The following CRYL1 variants were observed in gnomAD, a reference collection of about 807,000 sequenced individuals.
CRYL1 encodes crystallin lambda 1, also known as lambda-crystallin homolog.
Under a neutral mutation model 36.6 loss-of-function variants are expected in CRYL1, and 29 were observed. The ratio of observed to expected loss-of-function variants is 0.79; its 90% CI spans 0.59 to 1.08. The LOEUF is 1.08. CRYL1 is among the 50% of genes least tolerant of loss of function. The pLI, the probability that CRYL1 is intolerant of heterozygous loss-of-function variation, is 0.00. For synonymous variants in CRYL1, 152 were observed against 151.5 expected (o/e 1.00, Z -0.02); for missense variants, 411 against 407.9 (o/e 1.01, Z -0.06).
chr13:20,468,280 T>G (rs9506491), intron 3 of CRYL1, among the ~76,000 whole-genome samples: 124,898 of 151,802 alleles, frequency 0.82, 51,519 homozygotes, highest in Admixed American at 0.87. Context: ...CTATCTCTTC[T>G]AAACTTACTT....
intron 2 of CRYL1, among the ~76,000 whole-genome samples, chr13:20,510,529 A>T (rs1356860215): frequency 6.6e-6 from 1 of 151,830 alleles, no homozygotes; most frequent in Non-Finnish European, 1.5e-5. Flanking sequence ...GAGCAGTGGG[A>T]TTATTCTGTG....
chr13:20,516,466 A>G (rs61955513), intron 1 of CRYL1, among the ~76,000 whole-genome samples: 24,441 of 151,530 alleles, frequency 0.16, 2,144 homozygotes, highest in African/African-American at 0.22. Flanking sequence ...TCTCCTGGGG[A>G]CTGAATATCA....
At chr13:20,512,593 CGAATGGCTTTTCATTCCTAACCCA>C (rs1565990026) in intron 1 of CRYL1, 43 bp from the exon 2 acceptor site, 2 of 1,443,482 alleles carry the variant, frequency 1.4e-6, no homozygotes, top group Non-Finnish European at 9.6e-7. Context: ...ATTTAATAAT[CGAATGGCTTTTCATTCCTAACCCA>C]GAATGAGTTT....
At chr13:20,442,817 A>C (rs2032376882) in intron 3 of CRYL1, among the ~76,000 whole-genome samples, 1 of 152,230 alleles carries the variant, frequency 6.6e-6, no homozygotes, top group Non-Finnish European at 1.5e-5. Context: ...AGGGAGACAC[A>C]ACTCATGACA....
At chr13:20,480,136 C>A (rs2033246661) in intron 3 of CRYL1, among the ~76,000 whole-genome samples, 1 of 152,132 alleles carries the variant, frequency 6.6e-6, no homozygotes, top group African/African-American at 2.4e-5. Flanking sequence ...TCTATAATCC[C>A]AGCACTTTGG....
At chr13:20,404,993 G>C (rs2031328577) in intron 6 of CRYL1, among the ~76,000 whole-genome samples, 1 of 152,118 alleles carries the variant, frequency 6.6e-6, no homozygotes, top group African/African-American at 2.4e-5. Flanking sequence ...GTCCTGGCTG[G>C]GCCCGGTAGC....
At chr13:20,420,167 G>A (rs2031767745) in intron 5 of CRYL1, among the ~76,000 whole-genome samples, 1 of 152,226 alleles carries the variant, frequency 6.6e-6, no homozygotes, top group African/African-American at 2.4e-5. Context: ...TTGAACTGAT[G>A]CAAGAGGACA....
At chr13:20,459,930 G>A (rs959333812) in intron 3 of CRYL1, among the ~76,000 whole-genome samples, 2 of 152,308 alleles carry the variant, frequency 1.3e-5, no homozygotes, top group Admixed American at 1.3e-4. Context: ...TAGAAAGTGA[G>A]GGTCTGTCTG....
At chr13:20,477,117 T>C (rs4769113) in intron 3 of CRYL1, 100,133 of 152,196 alleles carry the variant, frequency 0.66, 33,692 homozygotes, top group East Asian at 0.8. Context: ...GCCAAGATCG[T>C]GCCACCGCGC....
At chr13:20,449,403 A>G (rs2032521770) in intron 3 of CRYL1, among the ~76,000 whole-genome samples, 1 of 152,222 alleles carries the variant, frequency 6.6e-6, no homozygotes, top group South Asian at 2.1e-4. Context: ...AAAAAGATGT[A>G]TAAATAATGA....
rs1255573744 is a variant in CRYL1, at chr13:20,525,591, C to T, written c.41+163G>A. 3.3e-5 allele frequency among the ~76,000 whole-genome samples: 5 copies of T among 152,136 alleles called. No homozygotes were observed. The highest frequency in any genetic ancestry group is 7.4e-5 in the Non-Finnish European group (5 of 67,990). On this transcript the variant is annotated intron_variant, in intron 1 of 7. Transcript: ENST00000298248. The surrounding 1 kb of genome is among the most constrained non-coding windows in gnomAD (Gnocchi z 4.3). ...CCCTCCAGCCGCGCCTCTCCCCGAG[C>T]CCGCCAGCGCCGTAGGGGCCGCAGG...
chr13:20,458,638 T>C (rs2032737376), intron 3 of CRYL1, among the ~76,000 whole-genome samples: 1 of 152,232 alleles, frequency 6.6e-6, no homozygotes, highest in African/African-American at 2.4e-5. Context: ...TTTTTAAAAA[T>C]AGTAAGTCTT....
At chr13:20,521,887 G>T (rs1046301039) in intron 1 of CRYL1, among the ~76,000 whole-genome samples, 8 of 152,084 alleles carry the variant, frequency 5.3e-5, no homozygotes, top group Admixed American at 5.2e-4. Flanking sequence ...TGGAAATTTT[G>T]CCAGAAAGAG....
At chr13:20,505,359 C>CAAAAAAAAAAAAAAAAAAAAAAAAA (rs61380702) in intron 2 of CRYL1, among the ~76,000 whole-genome samples, 33 of 91,216 alleles carry the variant, frequency 3.6e-4, no homozygotes, top group Non-Finnish European at 6.0e-4. Flanking sequence ...TCTATCCCAC[C>CAAAAAAAAAAAAAAAAAAAAAAAAA]AAAAAAAAAA....
intron 4 of CRYL1, among the ~76,000 whole-genome samples, chr13:20,433,008 A>G (rs1421690949): frequency 6.6e-6 from 1 of 152,170 alleles, no homozygotes; most frequent in African/African-American, 2.4e-5. Context: ...ACAGTGCCAG[A>G]TCATCTCAAA....
In CRYL1 at chr13:20,507,646, C is replaced by T. The variant is rs118066383; in HGVS notation, c.149+4797G>A. ...TAAAAGTCCACGCCCAGGCTGGGCACAGTGGCTCACACCTGTAATCCCAGC... is the reference window on the plus strand; with the variant it reads ...TAAAAGTCCACGCCCAGGCTGGGCATAGTGGCTCACACCTGTAATCCCAGC... On this transcript the variant is annotated intron_variant, in intron 2 of 7. Coordinates refer to ENST00000298248, the MANE Select transcript of CRYL1 (RefSeq NM_015974.3). Among the ~76,000 whole-genome samples, 306 of 152,320 alleles carry T rather than the reference C, an allele frequency of 2.0e-3. 6 individuals are homozygous for T. The East Asian group carries it at 0.042, about 21-fold the overall frequency.
At chr13:20,488,338 T>G (rs1278189984) in intron 3 of CRYL1, among the ~76,000 whole-genome samples, 1 of 152,154 alleles carries the variant, frequency 6.6e-6, no homozygotes, top group African/African-American at 2.4e-5. Context: ...TCATACAAAC[T>G]TCACCATATC....
intron 2 of CRYL1, among the ~76,000 whole-genome samples, chr13:20,493,386 G>T (rs528993294): frequency 6.6e-6 from 1 of 152,196 alleles, no homozygotes; most frequent in African/African-American, 2.4e-5. Context: ...CAGGCCAGGC[G>T]CGGTGGCTCA....
In CRYL1 at chr13:20,451,353, C is replaced by G. The variant is rs1035838213; in HGVS notation, c.277-11599G>C. 3.9e-5 allele frequency among the ~76,000 whole-genome samples: 6 copies of G among 152,252 alleles called. No homozygotes were observed. In the Middle Eastern group the frequency reaches 0.01, roughly 259 times the overall value. On this transcript the variant is annotated intron_variant, in intron 3 of 7. Coordinates refer to ENST00000298248, the MANE Select transcript of CRYL1 (RefSeq NM_015974.3). ...AGAAACTATCAACAGCGTAAAAAGA[C>G]AACCTATGGATTGGGAGAAAATATT... is the stretch of plus-strand genomic sequence containing the variant.
Sources: allele counts gnomAD v4.1 joint callset (sites outside exome capture counted in the v4.1 genomes callset), GRCh38; gene constraint gnomAD v4.1.1; non-coding constraint Gnocchi (gnomAD v3.1); transcripts MANE v1.5; gene names NCBI Gene and HGNC (gene_info 2026-07-23, HGNC 2026-07-21).